AAK1: variants seen among roughly 807,000 people sequenced by gnomAD.
The protein encoded by AAK1 is AP2-associated protein kinase 1.
AAK1 carries 37 observed loss-of-function variants against 116.0 expected under a neutral mutation model. That is an observed-to-expected ratio of 0.32 (90% CI 0.25 to 0.42). The LOEUF is 0.42. Among genes scored for constraint, AAK1 ranks in the 10% least tolerant of loss-of-function variants. The pLI, the probability that AAK1 is intolerant of heterozygous loss-of-function variation, is 1.00. For missense variants in AAK1, 919 were observed against 1,170.6 expected (o/e 0.79, Z 3.14); for synonymous variants, 458 against 439.9 (o/e 1.04, Z -0.51).
At chr2:69,476,110 T>C in intron 21 of AAK1, 147 bp from the exon 22 acceptor site, 1 of 1,425,196 alleles carries the variant, frequency 7.0e-7, no homozygotes, top group Non-Finnish European at 9.2e-7. Context: ...AGCAATATTT[T>C]ACATTTGCAA....
At position 69,470,338 on chromosome 2, in the gene AAK1, G is replaced by A. The variant is rs543402245; in HGVS notation, c.*5531C>T. The A allele has an allele frequency of 3.9e-5, 38 of 985,276 alleles. No individual in the cohort carries two copies. Among genetic ancestry groups the A allele is most frequent in the Admixed American group, 1.8e-4 (3 of 16,262 alleles). The allele number at this position is 985,276 out of a possible 1,614,324, so 61.0% of individuals were successfully genotyped here. A position where few individuals can be genotyped will look rare whatever the true frequency, so the allele number is the denominator to read the frequency against. On this transcript the variant is annotated 3_prime_UTR_variant, in exon 22 of 22. Transcript: ENST00000409085. ...TTGGAAATGCAGCAGCAATTGAAAC[G>A]TAAAATTTTAGAACCAAACTGGGGA...
At position 69,469,179 on chromosome 2, in the gene AAK1, G is replaced by A. The variant is rs1674593415; in HGVS notation, c.*6690C>T. 7 of 985,310 alleles carry A rather than the reference G, an allele frequency of 7.1e-6. 1 individual carries two copies. In the Admixed American group the frequency reaches 3.7e-4, roughly 52 times the overall value. The allele number at this position is 985,310 out of a possible 1,614,324, so 61.0% of individuals were successfully genotyped here. ...TTGTTAGAGGAGGTACAGTGTGGCT[G>A]AGGCGGAGAGCAACCACACTTTGCA... On this transcript the variant is annotated 3_prime_UTR_variant, in exon 22 of 22. Coordinates refer to ENST00000409085, the MANE Select transcript of AAK1 (RefSeq NM_014911.5).
In AAK1 at chr2:69,479,011, G is replaced by C. The variant is rs1385662120; in HGVS notation, c.2620C>G (p.Pro874Ala). ...AACTCTTCCAGAAGGTCAGTAGTAG[G>C]GTTAGAGAGCAGAGAGCAATCAAGC... ...SLLDCSLLSN[P>A]TTDLLEEFAP... Residue 874 changes from proline to alanine, a missense_variant, in exon 20 of 22, where the codon CCT becomes GCT. By Grantham distance (27) the Pro-to-Ala change is conservative. Transcript: ENST00000409085. 1.2e-6 allele frequency: 2 copies of C among 1,613,800 alleles called. No individual in the cohort carries two copies. The highest frequency in any genetic ancestry group is 2.2e-5 in the East Asian group (1 of 44,896).
At chr2:69,507,872 A>T (rs1234499049) in intron 14 of AAK1, among the ~76,000 whole-genome samples, 1 of 152,028 alleles carries the variant, frequency 6.6e-6, no homozygotes, top group East Asian at 1.9e-4. Context: ...ACGCCTGGCT[A>T]ATTTTTGTAT....
At position 69,465,644 on chromosome 2, in the gene AAK1, G is replaced by A. The variant is rs1252288381; in HGVS notation, c.*10225C>T. 5 of 1,290,938 alleles carry A rather than the reference G, an allele frequency of 3.9e-6. No individual in the cohort carries two copies. The highest frequency in any genetic ancestry group is 2.1e-4 in the Middle Eastern group (1 of 4,696). The allele number at this position is 1,290,938 out of a possible 1,614,324, so 80.0% of individuals were successfully genotyped here. A position where few individuals can be genotyped will look rare whatever the true frequency, so the allele number is the denominator to read the frequency against. On this transcript the variant is annotated 3_prime_UTR_variant, in exon 22 of 22. Coordinates refer to ENST00000409085, the MANE Select transcript of AAK1 (RefSeq NM_014911.5). The stretch of plus-strand genomic sequence containing the variant: ...GACGGGAATACTTGGATAAGGACTG[G>A]GGGCGGAATGGTTTGCCAGCCATGG...
chr2:69,519,116 C>A lies in AAK1; in HGVS notation c.1335G>T (p.Thr445=). ...QPQAPPTPQQ[T]PSTQAQGLPA... is the part of the protein sequence containing the mutation. ...GCAGACCCTGGGCCTGAGTAGAAGGCGTCTGCTGTGGAGTGGGAGGAGCCT... is the reference window on the plus strand; with the variant it reads ...GCAGACCCTGGGCCTGAGTAGAAGGAGTCTGCTGTGGAGTGGGAGGAGCCT... Residue 445 remains threonine (T), a synonymous_variant, in exon 12 of 22, where the codon ACG becomes ACT. Coordinates refer to ENST00000409085, the MANE Select transcript of AAK1 (RefSeq NM_014911.5). 8.4e-6 allele frequency: 13 copies of A among 1,556,782 alleles called. No individual in the cohort carries two copies. The highest frequency in any genetic ancestry group is 1.7e-4 in the Middle Eastern group (1 of 5,986).
chr2:69,567,596 GCAA>G (rs35292627), intron 2 of AAK1, among the ~76,000 whole-genome samples: 1,584 of 152,192 alleles, frequency 0.01, 18 homozygotes, highest in South Asian at 0.033. Context: ...TACAATGACA[GCAA>G]CAACAAAAAC....
rs538347591 is a variant in AAK1 at position 69,530,424 on chromosome 2, C to A, written c.738+201G>T. 2.6e-3 allele frequency among the ~76,000 whole-genome samples: 390 copies of A among 152,294 alleles called. 1 individual carries two copies. Among genetic ancestry groups the A allele is most frequent in the Middle Eastern group, 0.01 (3 of 294 alleles). On this transcript the variant is annotated intron_variant, in intron 7 of 21. Transcript: ENST00000409085. Reference sequence around the variant, plus strand: ...CATGAAAAAAAATCTAAATAATTTTCACAGAGCTTGGAAGTAATTTTCTTT... The same window carrying A: ...CATGAAAAAAAATCTAAATAATTTTAACAGAGCTTGGAAGTAATTTTCTTT...
At chr2:69,640,051 A>ACTCTCTCTCTCTCTCTCTCTCT (rs34183429) in intron 2 of AAK1, among the ~76,000 whole-genome samples, 4 of 100,744 alleles carry the variant, frequency 4.0e-5, no homozygotes, top group Non-Finnish European at 1.9e-5. Context: ...ACACACACAC[A>ACTCTCTCTCTCTCTCTCTCTCT]CACTCTCTCT....
chr2:69,496,273 G>GT (rs1182573863), intron 16 of AAK1, among the ~76,000 whole-genome samples, 193 bp from the exon 17 acceptor site: 4,325 of 136,530 alleles, frequency 0.032, 136 homozygotes, highest in African/African-American at 0.077. Flanking sequence ...AATCTGGCCC[G>GT]TTTTTTTTTT....
intron 2 of AAK1, among the ~76,000 whole-genome samples, chr2:69,558,876 T>C (rs924443069): frequency 6.6e-6 from 1 of 152,350 alleles, no homozygotes; most frequent in Non-Finnish European, 1.5e-5. Flanking sequence ...CTTTAGTACC[T>C]GTCTGTTGAT....
rs1675726666 is a variant in AAK1, at chr2:69,496,045, C to A, written c.2305G>T (p.Gly769Cys). The A allele has an allele frequency of 1.3e-6, 2 of 1,555,552 alleles. No individual in the cohort carries two copies. ...TCAGACACGCTTAGAAGCGGGAGGCCAGAGTCCACAGTCTGCCCACCCTTC... is the reference window on the plus strand; with the variant it reads ...TCAGACACGCTTAGAAGCGGGAGGCAAGAGTCCACAGTCTGCCCACCCTTC... ...KRKGGQTVDS[G>C]LPLLSVSDPF... The change falls in exon 17 of 22, where the codon GGC becomes TGC. Residue 769 changes from glycine to cysteine, a missense_variant. Around this residue, in one of 4 missense-constraint regions of AAK1, gnomAD observed 263 missense variants for 285.5 expected, o/e 0.92. Transcript: ENST00000409085.
rs547630087 is a variant in AAK1 at position 69,554,198 on chromosome 2, C to T, written c.282+2662G>A. Among the ~76,000 whole-genome samples the T allele has an allele frequency of 3.9e-5, 6 of 152,116 alleles. No homozygotes were observed. In the South Asian group the frequency reaches 8.3e-4, roughly 21 times the overall value. Reference sequence around the variant, plus strand: ...GAAATGTCCAGGAAATTCCAAGATTCGACTGTAAATTAGTCAGAGAATAAT... The same window carrying T: ...GAAATGTCCAGGAAATTCCAAGATTTGACTGTAAATTAGTCAGAGAATAAT... On this transcript the variant is annotated intron_variant, in intron 3 of 21. Transcript: ENST00000409085.
intron 2 of AAK1, among the ~76,000 whole-genome samples, chr2:69,567,031 A>G (rs1302257935): frequency 2.0e-5 from 3 of 152,236 alleles, no homozygotes; most frequent in African/African-American, 4.8e-5. Flanking sequence ...AATACTGACC[A>G]AGGCCCGCAA....
chr2:69,500,328 T>C (rs1278343877), intron 16 of AAK1: 1 of 152,076 alleles, frequency 6.6e-6, no homozygotes, highest in African/African-American at 2.4e-5. Flanking sequence ...GGGGAAAATA[T>C]CAAATGTTGA....
intron 2 of AAK1, among the ~76,000 whole-genome samples, chr2:69,620,693 T>G (rs984136535): frequency 6.6e-6 from 1 of 152,208 alleles, no homozygotes; most frequent in Non-Finnish European, 1.5e-5. Flanking sequence ...AGACACTGCA[T>G]TCTACTGATT....
At chr2:69,624,924 T>C (rs770223101) in intron 2 of AAK1, among the ~76,000 whole-genome samples, 3 of 151,794 alleles carry the variant, frequency 2.0e-5, no homozygotes, top group Non-Finnish European at 4.4e-5. Context: ...GTTGGAAGAG[T>C]AAGGGAAGGG....
At chr2:69,581,394 C>T (rs750523969) in intron 2 of AAK1, among the ~76,000 whole-genome samples, 3 of 152,164 alleles carry the variant, frequency 2.0e-5, no homozygotes, top group Non-Finnish European at 2.9e-5. Context: ...CTGCGCCCAG[C>T]TGGTTTTGTT....
rs1574181116 is a variant in AAK1 at position 69,464,289 on chromosome 2, T to C, written c.*11580A>G. ...GTCTCATGATTAATGAATTCCCTAA[T>C]GCTGGCATTTAGCCCACATACTGAG... On this transcript the variant is annotated 3_prime_UTR_variant, in exon 22 of 22. Transcript: ENST00000409085. The C allele has an allele frequency of 1.3e-5, 2 of 152,232 alleles. No individual in the cohort carries two copies. Among genetic ancestry groups the C allele is most frequent in the Non-Finnish European group, 1.5e-5 (1 of 68,048 alleles). 9.4% of individuals were successfully genotyped at this position (152,232 alleles called of 1,614,324 possible).
Sources: gnomAD v4.1 joint callset for allele counts (sites outside exome capture counted in the v4.1 genomes callset) on GRCh38, gnomAD v4.1.1 for gene constraint, gnomAD v4.1.1 regional missense constraint, MANE v1.5 for transcripts, NCBI Gene and HGNC (gene_info 2026-07-23, HGNC 2026-07-21) for gene names.